WWOX: variants seen among roughly 807,000 people sequenced by gnomAD.
The protein encoded by WWOX is WW domain-containing oxidoreductase.
In WWOX, 69 loss-of-function variants were observed where a neutral mutation model predicts 46.2. The observed-to-expected ratio is 1.49, with a 90% confidence interval of 1.23 to 1.82. The LOEUF (loss-of-function observed/expected upper bound fraction) is 1.82, where lower values mean the gene tolerates loss of function less well. Among genes scored for constraint, WWOX ranks in the 40% most tolerant of loss-of-function variants. The pLI is 0.00. For synonymous variants in WWOX, 359 were observed against 202.6 expected (o/e 1.77, Z -6.56); for missense variants, 919 against 542.6 (o/e 1.69, Z -6.89).
intron 8 of WWOX, among the ~76,000 whole-genome samples, chr16:78,994,580 C>G (rs2046950735): frequency 1.3e-5 from 2 of 152,144 alleles, no homozygotes; most frequent in African/African-American, 4.8e-5. Flanking sequence ...CGAGGCGTTG[C>G]TTTGTGCACA....
chr16:79,016,951 C>A (rs545012097), intron 8 of WWOX: 1 of 152,182 alleles, frequency 6.6e-6, no homozygotes, highest in African/African-American at 2.4e-5. Context: ...CCGACCACCT[C>A]GACCTCGAGA....
At chr16:78,511,340 C>T (rs879857576) in intron 8 of WWOX, among the ~76,000 whole-genome samples, 7 of 152,088 alleles carry the variant, frequency 4.6e-5, no homozygotes, top group South Asian at 2.1e-4. Flanking sequence ...TGACCGTTGA[C>T]GAAGGATTTG....
At chr16:79,199,755 C>T (rs1009169732) in intron 8 of WWOX, among the ~76,000 whole-genome samples, 5 of 152,108 alleles carry the variant, frequency 3.3e-5, no homozygotes, top group African/African-American at 1.2e-4. Flanking sequence ...ATTTTCAACC[C>T]CTTGACAGTT....
intron 3 of WWOX, among the ~76,000 whole-genome samples, chr16:78,114,325 C>T (rs957551933): frequency 6.6e-6 from 1 of 152,104 alleles, no homozygotes; most frequent in Non-Finnish European, 1.5e-5. Context: ...GTCTTGAACT[C>T]CTGGGCTCAA....
chr16:78,322,423 C>T (rs190366624), intron 5 of WWOX, among the ~76,000 whole-genome samples: 34 of 152,270 alleles, frequency 2.2e-4, no homozygotes, highest in East Asian at 7.7e-4. Context: ...TGTTCGTGAT[C>T]GCCAGGATCA....
chr16:79,073,571 A>C (rs1723543734), intron 8 of WWOX, among the ~76,000 whole-genome samples: 1 of 152,196 alleles, frequency 6.6e-6, no homozygotes, highest in African/African-American at 2.4e-5. Flanking sequence ...TTTCATTTTA[A>C]GATCAGTGTT....
intron 8 of WWOX, among the ~76,000 whole-genome samples, chr16:79,181,019 T>G (rs1187908491): frequency 6.6e-6 from 1 of 152,178 alleles, no homozygotes; most frequent in Non-Finnish European, 1.5e-5. Flanking sequence ...TTTACATTAT[T>G]AAGTTAATAC....
intron 8 of WWOX, among the ~76,000 whole-genome samples, chr16:78,887,208 A>G (rs10492910): frequency 0.36 from 54,048 of 150,836 alleles, 10,712 homozygotes; most frequent in Non-Finnish European, 0.44. Flanking sequence ...GTATGTCAAA[A>G]AAGAGTCTCA....
At chr16:78,931,568 C>T (rs1016025161) in intron 8 of WWOX, among the ~76,000 whole-genome samples, 1 of 152,164 alleles carries the variant, frequency 6.6e-6, no homozygotes, top group African/African-American at 2.4e-5. Flanking sequence ...AGTACATGAT[C>T]CTTGACCTTG....
chr16:78,554,125 C>T (rs567525332), intron 8 of WWOX, among the ~76,000 whole-genome samples: 1 of 152,262 alleles, frequency 6.6e-6, no homozygotes, highest in African/African-American at 2.4e-5. Flanking sequence ...TCCCTCTTAT[C>T]AGCTTCTTGC....
intron 8 of WWOX, among the ~76,000 whole-genome samples, chr16:78,645,418 G>A (rs1185059958): frequency 6.6e-6 from 1 of 152,142 alleles, no homozygotes; most frequent in Non-Finnish European, 1.5e-5. Flanking sequence ...TAGTCCTTTT[G>A]TGTTGCTATA....
intron 5 of WWOX, among the ~76,000 whole-genome samples, chr16:78,173,158 A>C (rs2035218006): frequency 6.6e-6 from 1 of 152,160 alleles, no homozygotes; most frequent in African/African-American, 2.4e-5. Context: ...AATGCAGCTA[A>C]TTTTTACATA....
intron 4 of WWOX, among the ~76,000 whole-genome samples, chr16:78,141,012 C>T (rs2033966513): frequency 6.6e-6 from 1 of 152,198 alleles, no homozygotes; most frequent in Non-Finnish European, 1.5e-5. Flanking sequence ...CTCCTGCCTA[C>T]GTGCAGCTTA....
At chr16:78,975,197 C>T (rs971376637) in intron 8 of WWOX, among the ~76,000 whole-genome samples, 8 of 152,196 alleles carry the variant, frequency 5.3e-5, no homozygotes, top group Admixed American at 1.3e-4. Flanking sequence ...AACACCTATA[C>T]GAATTAGCCT....
chr16:78,259,021 A>G (rs918379828), intron 5 of WWOX, among the ~76,000 whole-genome samples: 2 of 152,220 alleles, frequency 1.3e-5, no homozygotes, highest in Non-Finnish European at 2.9e-5. Context: ...AAAAATAAGA[A>G]TCTTTAAGAA....
At chr16:78,185,439 C>T (rs1323462003) in intron 5 of WWOX, among the ~76,000 whole-genome samples, 2 of 151,748 alleles carry the variant, frequency 1.3e-5, no homozygotes, top group African/African-American at 4.8e-5. Context: ...ACAGTGCATA[C>T]AAATCCTCGA....
At chr16:78,646,772 G>A (rs1386761659) in intron 8 of WWOX, among the ~76,000 whole-genome samples, 1 of 152,134 alleles carries the variant, frequency 6.6e-6, no homozygotes, top group Non-Finnish European at 1.5e-5. Flanking sequence ...CCTCCTTCTA[G>A]AACTAGAACA....
intron 8 of WWOX, among the ~76,000 whole-genome samples, chr16:78,888,955 CT>C (rs60760200): frequency 0.073 from 11,158 of 152,080 alleles, 1,357 homozygotes; most frequent in African/African-American, 0.26. Flanking sequence ...TAATCTCCCC[CT>C]GATGCCCTTA....
Position 79,169,115 on chromosome 16 carries a change from A to G in WWOX, c.1057-42493A>G, listed in dbSNP as rs1340879893. Among the ~76,000 whole-genome samples the G allele has an allele frequency of 2.6e-5, 4 of 152,340 alleles. No homozygotes were observed. The South Asian group carries it at 6.2e-4, about 24-fold the overall frequency. The stretch of plus-strand genomic sequence containing the variant: ...ATCCCACTTAATCCTCCACTTCACA[A>G]TTCTGAAAAGTCAACAAATTTGGCC... On this transcript the variant is annotated intron_variant, in intron 8 of 8. Coordinates refer to ENST00000566780, the MANE Select transcript of WWOX (RefSeq NM_016373.4).
Sources: allele counts gnomAD v4.1 joint callset (sites outside exome capture counted in the v4.1 genomes callset), GRCh38; gene constraint gnomAD v4.1.1; transcripts MANE v1.5; gene names NCBI Gene and HGNC (gene_info 2026-07-23, HGNC 2026-07-21).